WDR64: variants seen among roughly 807,000 people sequenced by gnomAD.
WDR64 encodes WD repeat-containing protein 64.
In WDR64, 112 loss-of-function variants were observed where a neutral mutation model predicts 139.3. That is an observed-to-expected ratio of 0.80 (90% CI 0.69 to 0.94). The LOEUF (loss-of-function observed/expected upper bound fraction) is 0.94, where lower values mean the gene tolerates loss of function less well. Among genes scored for constraint, WDR64 ranks in the 40% least tolerant of loss-of-function variants. WDR64 has a pLI of 0.00. For synonymous variants in WDR64, 444 were observed against 437.7 expected, an observed-to-expected ratio of 1.01 and a Z score of -0.18; for missense variants, 1,206 against 1,293.1, an observed-to-expected ratio of 0.93 and a Z score of 1.03.
intron 15 of WDR64, among the ~76,000 whole-genome samples, chr1:241,761,567 T>C (rs1485918163): frequency 6.6e-6 from 1 of 151,424 alleles, no homozygotes; most frequent in Non-Finnish European, 1.5e-5. Flanking sequence ...GAAATATATA[T>C]ATATGTATAT....
At chr1:241,730,009 C>G (rs373773512) in intron 10 of WDR64, among the ~76,000 whole-genome samples, 2 of 152,094 alleles carry the variant, frequency 1.3e-5, no homozygotes, top group African/African-American at 4.8e-5. Context: ...TGTTTCAAAA[C>G]TTTCCTGAGT....
rs1488838488 is a variant in WDR64 at position 241,652,587 on chromosome 1, C to T, written c.103C>T (p.Gln35Ter). The T allele has an allele frequency of 7.7e-6, 12 of 1,551,762 alleles. No homozygotes were observed. The South Asian group carries it at 1.4e-4, about 18-fold the overall frequency. ...AAAATTGGTTGAACAAACAGCAGCC[C>T]AGAAAAGAGATGAAAGAGCAGGCTT... Reference protein sequence around the residue: ...FEKLVEQTAAQKRDERAGLFI... With the variant: ...FEKLVEQTAA Residue 35 changes from glutamine to a stop codon, truncating the protein, a stop_gained, in exon 1 of 28, where the codon CAG (glutamine) becomes TAG (stop). Coordinates refer to ENST00000437684, the MANE Select transcript of WDR64 (RefSeq NM_001367482.1). LOFTEE classifies it high-confidence loss of function.
At chr1:241,766,677 G>T (rs1393961820) in intron 16 of WDR64, among the ~76,000 whole-genome samples, 1 of 151,752 alleles carries the variant, frequency 6.6e-6, no homozygotes, top group Admixed American at 6.6e-5. Context: ...CTACATCCTG[G>T]GTGACAGAGT....
chr1:241,691,044 T>G (rs1381668799), intron 8 of WDR64, among the ~76,000 whole-genome samples: 1 of 152,158 alleles, frequency 6.6e-6, no homozygotes, highest in African/African-American at 2.4e-5. Context: ...TTTATTTTAA[T>G]ATACTTGTAC....
intron 8 of WDR64, among the ~76,000 whole-genome samples, chr1:241,695,108 ACAAT>A (rs756768229): frequency 1.3e-5 from 2 of 152,244 alleles, no homozygotes; most frequent in Non-Finnish European, 2.9e-5. Flanking sequence ...TAAGCCAAAA[ACAAT>A]CAAACAAACA....
intron 2 of WDR64, among the ~76,000 whole-genome samples, chr1:241,662,816 G>A (rs925113933): frequency 1.3e-5 from 2 of 152,070 alleles, no homozygotes; most frequent in African/African-American, 4.8e-5. Context: ...AATCAAGAAC[G>A]AGAAAAGGAT....
intron 27 of WDR64, among the ~76,000 whole-genome samples, chr1:241,798,966 G>T (rs991540284): frequency 2.0e-5 from 3 of 151,936 alleles, no homozygotes; most frequent in Admixed American, 6.6e-5. Flanking sequence ...AGTGAACTTT[G>T]GAAAGTGTAA....
chr1:241,733,767 T>TA (rs1424933210), intron 10 of WDR64, among the ~76,000 whole-genome samples: 7 of 152,004 alleles, frequency 4.6e-5, no homozygotes, highest in Admixed American at 1.3e-4. Context: ...CTTAACAACA[T>TA]ATCTCTGTCG....
intron 8 of WDR64, 130 bp downstream of exon 8, chr1:241,687,725 G>T: frequency 1.0e-6 from 1 of 966,036 alleles, no homozygotes; most frequent in Non-Finnish European, 1.5e-6. Flanking sequence ...CCATTTGTTT[G>T]GGAAGGTTAA....
In WDR64 at chr1:241,738,496, G is replaced by A; in HGVS notation, c.1321+7G>A. On this transcript the variant is annotated splice_region_variant and intron_variant, in intron 11 of 27. Transcript: ENST00000437684. ...CATGGCATGCTTATTACGGGTAAGTGTACCCAATTAATGTCAAACGAAACT... is the reference window on the plus strand; with the variant it reads ...CATGGCATGCTTATTACGGGTAAGTATACCCAATTAATGTCAAACGAAACT... 1.2e-6 allele frequency: 2 copies of A among 1,602,484 alleles called. No homozygotes were observed. The highest frequency in any genetic ancestry group is 1.7e-6 in the Non-Finnish European group (2 of 1,175,642).
At chr1:241,760,759 A>ATTTTTTTTTTTTTTTTTTTTTTTTTTT (rs71174847) in intron 15 of WDR64, among the ~76,000 whole-genome samples, 1 of 87,058 alleles carries the variant, frequency 1.1e-5, no homozygotes, top group Non-Finnish European at 2.1e-5. Context: ...GTGGGTTTCC[A>ATTTTTTTTTTTTTTTTTTTTTTTTTTT]TTTTTTTTTT....
At chr1:241,787,763 T>C in intron 23 of WDR64, 86 bp from the exon 24 acceptor site, 1 of 1,200,450 alleles carries the variant, frequency 8.3e-7, no homozygotes, top group Admixed American at 2.6e-5. Flanking sequence ...GGACCAGCGC[T>C]AATTTACATA....
chr1:241,688,349 C>T (rs974712008), intron 8 of WDR64, among the ~76,000 whole-genome samples: 18 of 152,034 alleles, frequency 1.2e-4, no homozygotes, highest in Non-Finnish European at 1.8e-4. Context: ...CTTATTGTGG[C>T]GACTGTTGAT....
At chr1:241,653,215 C>T (rs1352634388) in intron 1 of WDR64, among the ~76,000 whole-genome samples, 3 of 152,078 alleles carry the variant, frequency 2.0e-5, no homozygotes, top group East Asian at 1.9e-4. Context: ...ACAGCTTTGG[C>T]GTATTGAGGA....
At chr1:241,659,179 G>A (rs1014683449) in intron 1 of WDR64, among the ~76,000 whole-genome samples, 7 of 152,068 alleles carry the variant, frequency 4.6e-5, no homozygotes, top group African/African-American at 1.2e-4. Context: ...CTGTTCCTGC[G>A]TTAGTTTGCT....
At chr1:241,769,372 T>G (rs1658328794) in intron 16 of WDR64, 32 bp from the exon 17 acceptor site, 1 of 1,528,904 alleles carries the variant, frequency 6.5e-7, no homozygotes, top group East Asian at 2.5e-5. Context: ...ATTTGTGAAT[T>G]TTTTCTCATA....
intron 6 of WDR64, among the ~76,000 whole-genome samples, chr1:241,682,333 C>T (rs1179982368): frequency 6.6e-6 from 1 of 152,202 alleles, no homozygotes; most frequent in Non-Finnish European, 1.5e-5. Context: ...CAGTTTCATT[C>T]TCCTACATGT....
At chr1:241,704,663 T>G (rs1348134879) in intron 8 of WDR64, among the ~76,000 whole-genome samples, 4 of 152,178 alleles carry the variant, frequency 2.6e-5, no homozygotes, top group South Asian at 2.1e-4. Context: ...CAAATATCCT[T>G]AAGAAACTGA....
chr1:241,661,608 A>G (rs1466813964), intron 2 of WDR64, among the ~76,000 whole-genome samples: 1 of 152,212 alleles, frequency 6.6e-6, no homozygotes, highest in Non-Finnish European at 1.5e-5. Context: ...TCAGGGAACT[A>G]TAAGACAATT....
Sources: allele counts gnomAD v4.1 joint callset (sites outside exome capture counted in the v4.1 genomes callset), GRCh38; gene constraint gnomAD v4.1.1; transcripts MANE v1.5; gene names NCBI Gene and HGNC (gene_info 2026-07-23, HGNC 2026-07-21).